ZNF778: variants seen among roughly 807,000 people sequenced by gnomAD.
ZNF778 encodes the protein zinc finger protein 778.
Under a neutral mutation model 23.9 loss-of-function variants are expected in ZNF778, and 37 were observed. The ratio of observed to expected loss-of-function variants is 1.54; its 90% CI spans 1.19 to 2.03. The LOEUF is 2.03. Ranked by LOEUF, ZNF778 falls within the 30% of genes most tolerant of loss-of-function variation. The pLI, the probability that ZNF778 is intolerant of heterozygous loss-of-function variation, is 0.00. For synonymous variants in ZNF778, 483 were observed against 343.9 expected, an observed-to-expected ratio of 1.40 and a Z score of -4.48; for missense variants, 1,297 against 934.4, an observed-to-expected ratio of 1.39 and a Z score of -5.06.
At chr16:89,220,377 G>T (rs2030805089) in intron 1 of ZNF778, among the ~76,000 whole-genome samples, 1 of 152,208 alleles carries the variant, frequency 6.6e-6, no homozygotes, top group South Asian at 2.1e-4. Flanking sequence ...CGAGACCGGG[G>T]CGGGGCACGG....
Position 89,234,023 on chromosome 16 carries a change from C to A in ZNF778, c.*5461C>A. The A allele has an allele frequency of 1.9e-6, 2 of 1,048,790 alleles. No individual in the cohort carries two copies. Among genetic ancestry groups the A allele is most frequent in the Non-Finnish European group, 2.6e-6 (2 of 768,974 alleles). 65.0% of individuals were successfully genotyped at this position (1,048,790 alleles called of 1,614,324 possible). A position where few individuals can be genotyped will look rare whatever the true frequency, so the allele number is the denominator to read the frequency against. On this transcript the variant is annotated 3_prime_UTR_variant, in exon 7 of 7. Transcript: ENST00000433976. The stretch of plus-strand genomic sequence containing the variant: ...TGCCTTTCCTGTGAAAACCCTGTGG[C>A]CTCTGCCTCCCCTGGCTCTGACTTC...
At chr16:89,222,035 T>G in intron 2 of ZNF778, 57 bp from the exon 3 acceptor site, 3 of 1,277,078 alleles carry the variant, frequency 2.3e-6, no homozygotes, top group Non-Finnish European at 3.3e-6. Context: ...GGTCCATGAG[T>G]GTGGAATTAG....
Position 89,228,762 on chromosome 16 carries a change from G to A in ZNF778, c.*200G>A. The A allele has an allele frequency of 7.2e-7, 1 of 1,382,274 alleles. No individual in the cohort carries two copies. The allele number at this position is 1,382,274 out of a possible 1,614,324, so 85.6% of individuals were successfully genotyped here. On this transcript the variant is annotated 3_prime_UTR_variant, in exon 7 of 7. Transcript: ENST00000433976. ...CCTCAGTGTTCTCTAAGGTCTTGCT[G>A]AATATGGATGGTATCCAGTAGAGAG...
Position 89,226,723 on chromosome 16 carries a change from T to C in ZNF778, c.435T>C (p.Cys145=). ...GAAGCCACAATGGAGGGCAGCTCTG[T>C]GACCGCACGCAGTGTGGAGAAGCTT... The part of the protein sequence containing the change: ...TARSHNGGQL[C]DRTQCGEAFS... The change falls in exon 7 of 7, where the codon TGT becomes TGC. Residue 145 remains cysteine (C), a synonymous_variant. Transcript: ENST00000433976. The C allele has an allele frequency of 1.9e-6, 3 of 1,613,082 alleles. No homozygotes were observed. The highest frequency in any genetic ancestry group is 2.5e-6 in the Non-Finnish European group (3 of 1,179,224).
chr16:89,223,381 G>A, intron 4 of ZNF778, 98 bp downstream of exon 4: 1 of 1,526,880 alleles, frequency 6.5e-7, no homozygotes, highest in Non-Finnish European at 9.0e-7. Context: ...GAGTACCACG[G>A]GAAGTAAGAG....
intron 6 of ZNF778, 65 bp from the exon 7 acceptor site, chr16:89,226,629 A>T (rs2031492468): frequency 7.1e-7 from 1 of 1,408,144 alleles, no homozygotes; most frequent in Non-Finnish European, 9.7e-7. Flanking sequence ...CTCTGTCTTC[A>T]GCTGGGTGAG....
In ZNF778 at chr16:89,217,826, C is replaced by T. The variant is rs1024309951; in HGVS notation, c.-216C>T. ...TGGGCGCCCGCCCGCCTGCCTCGCG[C>T]CTTGCGCCCCCGGCACCGCTTCCAG... On this transcript the variant is annotated 5_prime_UTR_variant, in exon 1 of 7. Coordinates refer to ENST00000433976, the MANE Select transcript of ZNF778 (RefSeq NM_001201407.2). The T allele has an allele frequency of 1.3e-5, 2 of 152,308 alleles. No individual in the cohort carries two copies. The highest frequency in any genetic ancestry group is 2.9e-5 in the Non-Finnish European group (2 of 68,092). The allele number at this position is 152,308 out of a possible 1,614,324, so 9.4% of individuals were successfully genotyped here. A position where few individuals can be genotyped will look rare whatever the true frequency, so the allele number is the denominator to read the frequency against.
chr16:89,220,044 G>A (rs1036510992), intron 1 of ZNF778, among the ~76,000 whole-genome samples: 3 of 152,220 alleles, frequency 2.0e-5, no homozygotes, highest in Non-Finnish European at 1.5e-5. Flanking sequence ...TGTCAACATA[G>A]TGTATGAGTG....
In ZNF778 at chr16:89,235,020, G is replaced by C. The variant is rs1254499589; in HGVS notation, c.*6458G>C. On this transcript the variant is annotated 3_prime_UTR_variant, in exon 7 of 7. Transcript: ENST00000433976. ...TTTCTCCTAAGGCCTTAAATATGCT[G>C]TACTATTTTGGCTTCCACAGTTTCT... 2 of 152,126 alleles carry C rather than the reference G, an allele frequency of 1.3e-5. No homozygotes were observed. Among genetic ancestry groups the C allele is most frequent in the Non-Finnish European group, 2.9e-5 (2 of 68,038 alleles). 9.4% of individuals were successfully genotyped at this position (152,126 alleles called of 1,614,324 possible). A position where few individuals can be genotyped will look rare whatever the true frequency, so the allele number is the denominator to read the frequency against.
rs756234660 is a variant in ZNF778 at position 89,228,377 on chromosome 16, G to A, written c.2089G>A (p.Gly697Arg). The A allele has an allele frequency of 3.1e-6, 5 of 1,613,584 alleles. No individual in the cohort carries two copies. Among genetic ancestry groups the A allele is most frequent in the African/African-American group, 1.3e-5 (1 of 74,894 alleles). Residue 697 changes from glycine to arginine, a missense_variant, in exon 7 of 7, where the codon GGG (glycine) becomes AGG (arginine). Coordinates refer to ENST00000433976, the MANE Select transcript of ZNF778 (RefSeq NM_001201407.2). The stretch of plus-strand genomic sequence containing the variant: ...GCATAAACATGGAAGAATTCACACT[G>A]GGCAGAAACCCTATAAATGTAAGGA... ...HLHKHGRIHT[G>R]QKPYKCKECG...
rs1484712297 is a variant in ZNF778, at chr16:89,233,791, A to C, written c.*5229A>C. ...GCAACTCAACTCGCACTGCGTATGCAACTCAGCTCGCACTGCGTATGCAAC... is the reference window on the plus strand; with the variant it reads ...GCAACTCAACTCGCACTGCGTATGCCACTCAGCTCGCACTGCGTATGCAAC... On this transcript the variant is annotated 3_prime_UTR_variant, in exon 7 of 7. Transcript: ENST00000433976. The C allele has an allele frequency of 3.2e-6, 4 of 1,268,360 alleles. No individual in the cohort carries two copies. Among genetic ancestry groups the C allele is most frequent in the Middle Eastern group, 2.2e-4 (1 of 4,650 alleles). 78.6% of individuals were successfully genotyped at this position (1,268,360 alleles called of 1,614,324 possible).
chr16:89,221,198 T>C (rs959749759), intron 2 of ZNF778, 46 bp downstream of exon 2: 3 of 1,445,020 alleles, frequency 2.1e-6, no homozygotes, highest in East Asian at 5.4e-5. Context: ...CTCTAGGTCC[T>C]GATACACAGT....
In ZNF778 at chr16:89,227,378, C is replaced by T. The variant is rs367918730; in HGVS notation, c.1090C>T (p.Pro364Ser). The change falls in exon 7 of 7, where the codon CCC (proline) becomes TCC (serine). Residue 364 changes from proline to serine, a missense_variant. Transcript: ENST00000433976. The part of the protein sequence containing the change: ...KHVQTDPGQK[P>S]YECKDCGKAC... Reference sequence around the variant, plus strand: ...CGTCCAAACAGACCCTGGACAGAAGCCCTATGAATGTAAGGACTGTGGGAA... The same window carrying T: ...CGTCCAAACAGACCCTGGACAGAAGTCCTATGAATGTAAGGACTGTGGGAA... 96 of 1,613,818 alleles carry T rather than the reference C, an allele frequency of 5.9e-5. 1 individual carries two copies. The highest frequency in any genetic ancestry group is 4.5e-4 in the East Asian group (20 of 44,898).
Position 89,229,303 on chromosome 16 carries a change from C to A in ZNF778, c.*741C>A, listed in dbSNP as rs1009842953. Reference sequence around the variant, plus strand: ...TAGTCTTGAGGATCCAGATGTGATTCTGTGAGCAGTGTAAGCTCTGGTTGG... The same window carrying A: ...TAGTCTTGAGGATCCAGATGTGATTATGTGAGCAGTGTAAGCTCTGGTTGG... On this transcript the variant is annotated 3_prime_UTR_variant, in exon 7 of 7. Coordinates refer to ENST00000433976, the MANE Select transcript of ZNF778 (RefSeq NM_001201407.2). 4.1e-6 allele frequency: 4 copies of A among 983,840 alleles called. No individual in the cohort carries two copies. Among genetic ancestry groups the A allele is most frequent in the Non-Finnish European group, 4.8e-6 (4 of 829,808 alleles). 60.9% of individuals were successfully genotyped at this position (983,840 alleles called of 1,614,324 possible).
intron 6 of ZNF778, among the ~76,000 whole-genome samples, 193 bp from the exon 7 acceptor site, chr16:89,226,501 G>A (rs144190613): frequency 4.3e-4 from 65 of 152,318 alleles, no homozygotes; most frequent in South Asian, 1.2e-3. Flanking sequence ...TGCTGCGCCC[G>A]TCCTGATGGC....
chr16:89,227,787 C>G lies in ZNF778; in HGVS notation c.1499C>G (p.Thr500Ser). 1.2e-6 allele frequency: 2 copies of G among 1,613,146 alleles called. No homozygotes were observed. The highest frequency in any genetic ancestry group is 1.7e-6 in the Non-Finnish European group (2 of 1,179,246). Residue 500 changes from threonine to serine, a missense_variant, in exon 7 of 7, where the codon ACC becomes AGC. By Grantham distance (58) the Thr-to-Ser change is moderately conservative. Transcript: ENST00000433976. ...CTGACTGAGCACGCGAGAATCCATACCGGAGAGAAACCCTACGAATGTAAG... is the reference window on the plus strand; with the variant it reads ...CTGACTGAGCACGCGAGAATCCATAGCGGAGAGAAACCCTACGAATGTAAG... ...SSLTEHARIH[T>S]GEKPYECKQC...
At chr16:89,219,929 C>T (rs148991972) in intron 1 of ZNF778, among the ~76,000 whole-genome samples, 3 of 152,228 alleles carry the variant, frequency 2.0e-5, no homozygotes, top group Admixed American at 1.3e-4. Flanking sequence ...CTGCTGAACT[C>T]GTAGAAACTA....
chr16:89,225,564 T>C lies in ZNF778; in HGVS notation c.338T>C (p.Leu113Pro). Residue 113 changes from leucine (L) to proline (P), a missense_variant, in exon 6 of 7, where the codon CTT (leucine) becomes CCT (proline). Physicochemically the swap from Leu to Pro is moderately conservative, Grantham distance 98. Coordinates refer to ENST00000433976, the MANE Select transcript of ZNF778 (RefSeq NM_001201407.2). ...GRRAVLQEWRLKTKGPALRQD... is the reference protein window; with the variant it reads ...GRRAVLQEWRPKTKGPALRQD... ...TCTTCTTTCTTTTCAGAATGGCGAC[T>C]TAAAACCAAAGGGCCAGCACTTCGG... 6.2e-7 allele frequency: 1 copy of C among 1,611,156 alleles called. No individual in the cohort carries two copies. Among genetic ancestry groups the C allele is most frequent in the Non-Finnish European group, 8.5e-7 (1 of 1,178,330 alleles).
rs1198621788 is a variant in ZNF778 at position 89,232,062 on chromosome 16, G to C, written c.*3500G>C. The C allele has an allele frequency of 6.4e-6, 1 of 156,212 alleles. No homozygotes were observed. The highest frequency in any genetic ancestry group is 2.4e-5 in the African/African-American group (1 of 41,410). 9.7% of individuals were successfully genotyped at this position (156,212 alleles called of 1,614,324 possible). On this transcript the variant is annotated 3_prime_UTR_variant, in exon 7 of 7. Transcript: ENST00000433976. Reference sequence around the variant, plus strand: ...GCTGTGATGTGGATGTGATTGGTTTGCCCTCATCAAGTCTCATGTTGAGCT... The same window carrying C: ...GCTGTGATGTGGATGTGATTGGTTTCCCCTCATCAAGTCTCATGTTGAGCT...
Sources: allele counts gnomAD v4.1 joint callset (sites outside exome capture counted in the v4.1 genomes callset), GRCh38; gene constraint gnomAD v4.1.1; transcripts MANE v1.5; gene names NCBI Gene and HGNC (gene_info 2026-07-23, HGNC 2026-07-21).